ARNT2: variants seen among roughly 807,000 people sequenced by gnomAD.
The protein encoded by ARNT2 is aryl hydrocarbon receptor nuclear translocator 2.
ARNT2 carries 36 observed loss-of-function variants against 91.7 expected under a neutral mutation model. The observed-to-expected ratio is 0.39, with a 90% CI of 0.30 to 0.52. ARNT2 has a LOEUF of 0.52. Among genes scored for constraint, ARNT2 ranks in the 20% least tolerant of loss-of-function variants. The pLI is 0.72. For missense variants in ARNT2, 775 were observed against 939.3 expected, an observed-to-expected ratio of 0.83 and a Z score of 2.29; for synonymous variants, 365 against 347.1, an observed-to-expected ratio of 1.05 and a Z score of -0.57.
chr15:80,503,884 G>A lies in ARNT2; in HGVS notation c.623-4272G>A, dbSNP rs150229692. Among the ~76,000 whole-genome samples, 244 of 152,334 alleles carry A rather than the reference G, an allele frequency of 1.6e-3. 3 individuals are homozygous for A. In the East Asian group the frequency reaches 0.02, roughly 12 times the overall value. ...GGTGATTGCTGGGTCTTTGTAGAGC[G>A]CCATGCAGTCTGCAGAGCCCTGGTC... On this transcript the variant is annotated intron_variant, in intron 5 of 18. Coordinates refer to ENST00000303329, the MANE Select transcript of ARNT2 (RefSeq NM_014862.4).
At chr15:80,495,045 T>A (rs1897107502) in intron 5 of ARNT2, among the ~76,000 whole-genome samples, 1 of 152,194 alleles carries the variant, frequency 6.6e-6, no homozygotes, top group African/African-American at 2.4e-5. Flanking sequence ...TTAGTCGCAA[T>A]GCTAAGTCCC....
intron 1 of ARNT2, among the ~76,000 whole-genome samples, chr15:80,426,681 C>A (rs946916762): frequency 6.6e-6 from 1 of 152,150 alleles, no homozygotes; most frequent in Non-Finnish European, 1.5e-5. Context: ...TTAGAGCAAC[C>A]CATTTCATGA....
intron 1 of ARNT2, among the ~76,000 whole-genome samples, chr15:80,449,643 G>A (rs1005368218): frequency 2.0e-5 from 3 of 152,216 alleles, no homozygotes; most frequent in African/African-American, 7.2e-5. Flanking sequence ...ATTGTATTGT[G>A]TATTGTAAAA....
chr15:80,490,022 C>A (rs948408317), intron 5 of ARNT2, among the ~76,000 whole-genome samples: 1 of 152,012 alleles, frequency 6.6e-6, no homozygotes, highest in East Asian at 1.9e-4. Flanking sequence ...TTCCCCCAAC[C>A]GTAGGCAGCT....
At chr15:80,413,005 A>T (rs748308818) in intron 1 of ARNT2, among the ~76,000 whole-genome samples, 1 of 152,176 alleles carries the variant, frequency 6.6e-6, no homozygotes, top group African/African-American at 2.4e-5. Context: ...TGGAACTCAG[A>T]TCATCTACTG....
chr15:80,429,636 G>A (rs973482159), intron 1 of ARNT2, among the ~76,000 whole-genome samples: 1 of 152,188 alleles, frequency 6.6e-6, no homozygotes, highest in African/African-American at 2.4e-5. Flanking sequence ...ATTTATATTC[G>A]GTTGGTGAGA....
intron 8 of ARNT2, among the ~76,000 whole-genome samples, chr15:80,518,024 T>A (rs1897469002): frequency 6.6e-6 from 1 of 152,142 alleles, no homozygotes; most frequent in South Asian, 2.1e-4. Flanking sequence ...CTCTTCAAAC[T>A]ATGTTTTTTT....
chr15:80,500,996 TTA>T (rs1224674261), intron 5 of ARNT2, among the ~76,000 whole-genome samples: 1 of 152,258 alleles, frequency 6.6e-6, no homozygotes, highest in Non-Finnish European at 1.5e-5. Context: ...GTCATAATTC[TTA>T]TTCTCATTTC....
At chr15:80,582,699 C>T (rs1424308514) in intron 17 of ARNT2, among the ~76,000 whole-genome samples, 1 of 152,078 alleles carries the variant, frequency 6.6e-6, no homozygotes, top group Admixed American at 6.5e-5. Flanking sequence ...GTCTCCTCTT[C>T]GTCTGTTAAG....
chr15:80,405,123 C>T (rs568189073), intron 1 of ARNT2, among the ~76,000 whole-genome samples: 1 of 152,328 alleles, frequency 6.6e-6, no homozygotes, highest in African/African-American at 2.4e-5. Context: ...GTGGAGCAGC[C>T]CTGGTCCTGC....
chr15:80,490,955 T>C (rs1467667750), intron 5 of ARNT2, among the ~76,000 whole-genome samples: 2 of 152,094 alleles, frequency 1.3e-5, no homozygotes, highest in Admixed American at 6.5e-5. Flanking sequence ...GGGACCCTAA[T>C]TTACACGTTA....
intron 8 of ARNT2, among the ~76,000 whole-genome samples, chr15:80,536,623 T>G (rs1897828001): frequency 6.6e-6 from 1 of 152,228 alleles, no homozygotes; most frequent in African/African-American, 2.4e-5. Context: ...ATTTGGGAGC[T>G]GCTTTTCATT....
chr15:80,576,845 C>T, intron 14 of ARNT2, 21 bp from the exon 15 acceptor site: 1 of 1,613,360 alleles, frequency 6.2e-7, no homozygotes, highest in East Asian at 2.2e-5. Context: ...TCGCATGTGA[C>T]TCCTGCTCTG....
chr15:80,463,611 T>C (rs1166899546), intron 3 of ARNT2, among the ~76,000 whole-genome samples: 5 of 147,778 alleles, frequency 3.4e-5, no homozygotes, highest in African/African-American at 5.0e-5. Flanking sequence ...GGAGTTTTGC[T>C]CTTGTTGCCC....
intron 5 of ARNT2, among the ~76,000 whole-genome samples, chr15:80,481,428 C>T (rs1448147116): frequency 6.6e-6 from 1 of 152,164 alleles, no homozygotes; most frequent in East Asian, 1.9e-4. Flanking sequence ...TAAACCATCA[C>T]AGCTGGGTGG....
chr15:80,417,231 T>C (rs539197084), intron 1 of ARNT2, among the ~76,000 whole-genome samples: 2 of 152,330 alleles, frequency 1.3e-5, no homozygotes, highest in South Asian at 2.1e-4. Flanking sequence ...CAATTAACAA[T>C]TGGATCTTCA....
At chr15:80,484,561 G>A (rs1029435913) in intron 5 of ARNT2, among the ~76,000 whole-genome samples, 2 of 152,144 alleles carry the variant, frequency 1.3e-5, no homozygotes, top group African/African-American at 2.4e-5. Context: ...GTTTTGCTTC[G>A]CTACATGCAT....
chr15:80,575,134 G>C, intron 14 of ARNT2, 24 bp downstream of exon 14: 1 of 1,610,898 alleles, frequency 6.2e-7, no homozygotes, highest in East Asian at 2.2e-5. Context: ...TGGTACTGAG[G>C]TTTTGAGAGT....
intron 1 of ARNT2, among the ~76,000 whole-genome samples, chr15:80,426,356 G>C (rs1050423032): frequency 6.6e-6 from 1 of 152,190 alleles, no homozygotes; most frequent in Non-Finnish European, 1.5e-5. Context: ...ACCACACCAT[G>C]GTCCTGTTGG....
Sources: gnomAD v4.1 joint callset for allele counts (sites outside exome capture counted in the v4.1 genomes callset) on GRCh38, gnomAD v4.1.1 for gene constraint, MANE v1.5 for transcripts, NCBI Gene and HGNC (gene_info 2026-07-23, HGNC 2026-07-21) for gene names.